Variants in NUCB2 observed in about 807,000 individuals in gnomAD.
NUCB2 encodes the protein nucleobindin 2.
In NUCB2, 48 loss-of-function variants were observed where a neutral mutation model predicts 57.9. The observed-to-expected ratio is 0.83, with a 90% CI of 0.66 to 1.05. The LOEUF (loss-of-function observed/expected upper bound fraction) is 1.05. NUCB2 is among the 50% of genes least tolerant of loss of function. NUCB2 has a pLI of 0.00. For missense variants in NUCB2, 442 were observed against 476.2 expected (o/e 0.93, Z 0.67); for synonymous variants, 139 against 152.1 (o/e 0.91, Z 0.64).
intron 11 of NUCB2, among the ~76,000 whole-genome samples, chr11:17,321,579 C>G (rs113761580): frequency 0.024 from 3,678 of 152,208 alleles, 157 homozygotes; most frequent in African/African-American, 0.085. Context: ...ACAGATATCT[C>G]TTTGATATAC....
intron 5 of NUCB2, among the ~76,000 whole-genome samples, chr11:17,304,003 T>C (rs1947214656): frequency 6.6e-6 from 1 of 151,846 alleles, no homozygotes; most frequent in South Asian, 2.1e-4. Flanking sequence ...TACTAATTAA[T>C]AGATAAATTC....
In NUCB2 at chr11:17,299,859, A is replaced by G. The variant is rs1214691724; in HGVS notation, c.253-1885A>G. Among the ~76,000 whole-genome samples the G allele has an allele frequency of 2.6e-5, 4 of 152,230 alleles. No individual in the cohort carries two copies. In the South Asian group the frequency reaches 6.2e-4, roughly 24 times the overall value. On this transcript the variant is annotated intron_variant, in intron 4 of 13. Coordinates refer to ENST00000529010, the MANE Select transcript of NUCB2 (RefSeq NM_005013.4). Reference sequence around the variant, plus strand: ...ATTGAGGCTGCAGTGAGCCATGATCATGCTACTGCACTCCATCCTGGGTGA... The same window carrying G: ...ATTGAGGCTGCAGTGAGCCATGATCGTGCTACTGCACTCCATCCTGGGTGA...
chr11:17,315,153 T>G (rs1474260177), intron 10 of NUCB2, among the ~76,000 whole-genome samples: 2 of 152,220 alleles, frequency 1.3e-5, no homozygotes, highest in African/African-American at 4.8e-5. Flanking sequence ...GGTATATAGA[T>G]ATCTCATATT....
rs576870442 is a variant in NUCB2 at position 17,330,171 on chromosome 11, A to G, written c.1047A>G (p.Glu349=). The change falls in exon 12 of 14, where the codon GAA becomes GAG. Residue 349 remains glutamate, a synonymous_variant. Transcript: ENST00000529010. This position sits in a 1 kb window ranked among gnomAD's most constrained non-coding sequence, Gnocchi z 4.3. The part of the protein sequence containing the change: ...QQFFTEEELK[E]YENIIALQEN... Reference sequence around the variant, plus strand: ...TCTTCACAGAGGAAGAACTAAAAGAATATGAAAATATTATTGCTTTACAAG... The same window carrying G: ...TCTTCACAGAGGAAGAACTAAAAGAGTATGAAAATATTATTGCTTTACAAG... 1.9e-6 allele frequency: 3 copies of G among 1,581,310 alleles called. No homozygotes were observed. Among genetic ancestry groups the G allele is most frequent in the South Asian group, 2.3e-5 (2 of 87,830 alleles).
intron 2 of NUCB2, among the ~76,000 whole-genome samples, chr11:17,286,076 C>T (rs1272559135): frequency 6.6e-6 from 1 of 152,180 alleles, no homozygotes; most frequent in Non-Finnish European, 1.5e-5. Context: ...CTCTGTCACC[C>T]TGGCTAGAGT....
At chr11:17,298,232 A>T (rs989961125) in intron 4 of NUCB2, among the ~76,000 whole-genome samples, 1 of 152,090 alleles carries the variant, frequency 6.6e-6, no homozygotes, top group Non-Finnish European at 1.5e-5. Flanking sequence ...ATTAAAATTT[A>T]AAATTAATTT....
At chr11:17,310,235 T>C (rs1407173896) in intron 6 of NUCB2, among the ~76,000 whole-genome samples, 2 of 141,620 alleles carry the variant, frequency 1.4e-5, no homozygotes, top group Non-Finnish European at 3.2e-5. Flanking sequence ...CCTTTCTTCT[T>C]CTTTTTTTTT....
intron 1 of NUCB2, chr11:17,278,658 T>C (rs1315454245): frequency 6.6e-6 from 1 of 152,226 alleles, no homozygotes; most frequent in Non-Finnish European, 1.5e-5. Flanking sequence ...ATTAAGGTAC[T>C]TTTCAAGACA....
chr11:17,277,207 C>T (rs1348830422), intron 1 of NUCB2: 1 of 152,304 alleles, frequency 6.6e-6, no homozygotes, highest in African/African-American at 2.4e-5. Flanking sequence ...GCGATGCTCC[C>T]CTGTGCCGCT....
downstream of NUCB2, among the ~76,000 whole-genome samples, chr11:17,336,597 AC>A (rs1399809367): frequency 6.6e-6 from 1 of 151,384 alleles, no homozygotes; most frequent in African/African-American, 2.4e-5. Context: ...TACTAAAAAT[AC>A]AAAAAATTAG....
At chr11:17,338,462 T>C (rs1951983477) in intron 2 of NUCB2, among the ~76,000 whole-genome samples, 1 of 152,210 alleles carries the variant, frequency 6.6e-6, no homozygotes, top group Non-Finnish European at 1.5e-5. Flanking sequence ...TTTGTTTTAC[T>C]AATTGTTTAT....
At chr11:17,294,715 T>G (rs1945523061) in intron 2 of NUCB2, among the ~76,000 whole-genome samples, 1 of 148,764 alleles carries the variant, frequency 6.7e-6, no homozygotes, top group Non-Finnish European at 1.5e-5. Flanking sequence ...ATGGCTAGAT[T>G]GAAGCTTTTG....
chr11:17,327,348 A>G (rs537204168), intron 11 of NUCB2, among the ~76,000 whole-genome samples: 75 of 152,336 alleles, frequency 4.9e-4, no homozygotes, highest in Non-Finnish European at 9.3e-4. Context: ...GGTGTGAGCC[A>G]CTACGCCTCG....
At position 17,315,387 on chromosome 11, in the gene NUCB2, T is replaced by C. The variant is rs1276896170; in HGVS notation, c.914T>C (p.Val305Ala). 1 of 1,585,032 alleles carries C rather than the reference T, an allele frequency of 6.3e-7. No homozygotes were observed. The highest frequency in any genetic ancestry group is 8.6e-7 in the Non-Finnish European group (1 of 1,156,828). ...LRMREHVMNE[V>A]DTNKDRLVTL... ...ATGTATACATTTTGTTTTAATCAGG[T>C]TGATACTAACAAAGACAGATTGGTG... Residue 305 changes from valine to alanine, a missense_variant and splice_region_variant, in exon 11 of 14, where the codon GTT becomes GCT. Coordinates refer to ENST00000529010, the MANE Select transcript of NUCB2 (RefSeq NM_005013.4).
intron 2 of NUCB2, among the ~76,000 whole-genome samples, chr11:17,293,435 A>G (rs553833140): frequency 1.3e-5 from 2 of 152,292 alleles, no homozygotes; most frequent in Non-Finnish European, 2.9e-5. Context: ...ACCCTCATTT[A>G]TAGGTGGTGA....
At chr11:17,328,602 A>G (rs901663105) in intron 11 of NUCB2, among the ~76,000 whole-genome samples, 6 of 152,118 alleles carry the variant, frequency 3.9e-5, no homozygotes, top group African/African-American at 1.2e-4. Flanking sequence ...TCTGGTCCAC[A>G]TGGGGTTCTG....
downstream of NUCB2, among the ~76,000 whole-genome samples, chr11:17,336,521 G>A (rs1313312502): frequency 6.6e-6 from 1 of 151,478 alleles, no homozygotes; most frequent in Non-Finnish European, 1.5e-5. Context: ...TTGGGAGGCC[G>A]AGGCGGGCGG....
chr11:17,347,030 A>G (rs1433033115), intron 2 of NUCB2, among the ~76,000 whole-genome samples: 1 of 152,228 alleles, frequency 6.6e-6, no homozygotes, highest in African/African-American at 2.4e-5. Context: ...ACACAGCCTC[A>G]GAAAGTCCTG....
chr11:17,325,577 G>A (rs1212635800), intron 11 of NUCB2, among the ~76,000 whole-genome samples: 1 of 152,138 alleles, frequency 6.6e-6, no homozygotes, highest in Non-Finnish European at 1.5e-5. Flanking sequence ...TATAGGTGAA[G>A]TGTGTTTCTT....
Sources: gnomAD v4.1 joint callset for allele counts (sites outside exome capture counted in the v4.1 genomes callset) on GRCh38, gnomAD v4.1.1 for gene constraint, Gnocchi (gnomAD v3.1) non-coding constraint, MANE v1.5 for transcripts, NCBI Gene and HGNC (gene_info 2026-07-23, HGNC 2026-07-21) for gene names.